IL1RAP: variants seen among roughly 807,000 people sequenced by gnomAD.
IL1RAP encodes interleukin 1 receptor accessory protein.
Under a neutral mutation model 60.7 loss-of-function variants are expected in IL1RAP, and 35 were observed. The observed-to-expected ratio is 0.58, with a 90% CI of 0.44 to 0.76. The LOEUF (loss-of-function observed/expected upper bound fraction) is 0.76, where lower values mean the gene tolerates loss of function less well. IL1RAP is among the 30% of genes least tolerant of loss of function. IL1RAP has a pLI of 0.00. For synonymous variants in IL1RAP, 268 were observed against 250.9 expected (o/e 1.07, Z -0.64); for missense variants, 572 against 693.9 (o/e 0.82, Z 1.97).
intron 1 of IL1RAP, among the ~76,000 whole-genome samples, chr3:190,532,873 CTCCTTTTTCAATT>C (rs1193483814): frequency 1.3e-5 from 2 of 152,194 alleles, no homozygotes; most frequent in Non-Finnish European, 1.5e-5. Context: ...GCTTCCTTTT[CTCCTTTTTCAATT>C]TCCTTTTTCG....
intron 5 of IL1RAP, among the ~76,000 whole-genome samples, chr3:190,616,398 C>T (rs1358897190): frequency 1.3e-5 from 2 of 151,914 alleles, no homozygotes; most frequent in Non-Finnish European, 2.9e-5. Flanking sequence ...CTGTAAAATT[C>T]CAGAGAATAA....
intron 1 of IL1RAP, among the ~76,000 whole-genome samples, chr3:190,553,887 C>A (rs1474688050): frequency 6.6e-6 from 1 of 151,512 alleles, no homozygotes. Flanking sequence ...CGGTGAAACC[C>A]CGCCTCTACT....
chr3:190,623,309 A>G (rs2108800507), intron 6 of IL1RAP, 35 bp from the exon 7 acceptor site: 2 of 1,518,324 alleles, frequency 1.3e-6, no homozygotes, highest in Non-Finnish European at 1.8e-6. Context: ...TGCCTGATTT[A>G]ACATCATCTC....
At chr3:190,596,734 T>G (rs1188462773) in intron 3 of IL1RAP, among the ~76,000 whole-genome samples, 1 of 152,232 alleles carries the variant, frequency 6.6e-6, no homozygotes, top group Admixed American at 6.5e-5. Context: ...GGAATTCTTG[T>G]GCTAGTAATT....
At chr3:190,534,664 A>T (rs1017344913) in intron 1 of IL1RAP, among the ~76,000 whole-genome samples, 1 of 152,176 alleles carries the variant, frequency 6.6e-6, no homozygotes, top group Admixed American at 6.5e-5. Context: ...TCCTGGATAC[A>T]AATGGTATGT....
intron 5 of IL1RAP, among the ~76,000 whole-genome samples, chr3:190,609,781 T>C (rs16865686): frequency 0.018 from 2,705 of 152,278 alleles, 73 homozygotes; most frequent in African/African-American, 0.062. Flanking sequence ...TAGTTATCCA[T>C]AGGAACCACC....
intron 3 of IL1RAP, among the ~76,000 whole-genome samples, chr3:190,599,948 C>G (rs1296965567): frequency 6.6e-6 from 1 of 151,868 alleles, no homozygotes; most frequent in Non-Finnish European, 1.5e-5. Flanking sequence ...GAAACAGGTT[C>G]CTTATCGCTC....
At chr3:190,572,089 T>C (rs1726977746) in intron 3 of IL1RAP, among the ~76,000 whole-genome samples, 1 of 152,174 alleles carries the variant, frequency 6.6e-6, no homozygotes, top group Admixed American at 6.5e-5. Flanking sequence ...CATAGACTTA[T>C]CTGATGACCA....
chr3:190,576,904 G>T (rs1352977507), intron 3 of IL1RAP, among the ~76,000 whole-genome samples: 5 of 151,926 alleles, frequency 3.3e-5, no homozygotes, highest in Admixed American at 3.3e-4. Flanking sequence ...ACGAGGTCAG[G>T]AGATCGAGAG....
chr3:190,645,730 T>C lies in IL1RAP; in HGVS notation c.1233T>C (p.Tyr411=), dbSNP rs994223135. Reference sequence around the variant, plus strand: ...AAGAGTATGATATTTATGTATCCTATGCAAGGAATGCGGAAGAAGAAGAAT... The same window carrying C: ...AAGAGTATGATATTTATGTATCCTACGCAAGGAATGCGGAAGAAGAAGAAT... ...DGKEYDIYVS[Y]ARNAEEEEFV... Residue 411 remains tyrosine (Y), a synonymous_variant, in exon 11 of 12, where the codon TAT becomes TAC. Transcript: ENST00000447382. 6.2e-6 allele frequency: 10 copies of C among 1,612,430 alleles called. 1 individual carries two copies. Among genetic ancestry groups the C allele is most frequent in the African/African-American group, 5.3e-5 (4 of 74,908 alleles).
In IL1RAP at chr3:190,650,511, T is replaced by C. The variant is rs1162734571; in HGVS notation, c.*1806T>C. On this transcript the variant is annotated 3_prime_UTR_variant, in exon 12 of 12. Coordinates refer to ENST00000447382, the MANE Select transcript of IL1RAP (RefSeq NM_002182.4). ...ACTGTAAATGAATCTTGGTATCCTG[T>C]GAAACAGAATAATTCGTAATTTAAG... The C allele has an allele frequency of 7.1e-6, 7 of 982,714 alleles. No individual in the cohort carries two copies. The highest frequency in any genetic ancestry group is 8.5e-6 in the Non-Finnish European group (7 of 827,530). The allele number at this position is 982,714 out of a possible 1,614,324, so 60.9% of individuals were successfully genotyped here.
At chr3:190,636,580 C>T (rs1248824477) in intron 9 of IL1RAP, among the ~76,000 whole-genome samples, 1 of 151,564 alleles carries the variant, frequency 6.6e-6, no homozygotes, top group African/African-American at 2.4e-5. Context: ...CTTGCTCTGT[C>T]GCCCAGGCTG....
At chr3:190,517,206 A>T (rs1183430030) in intron 1 of IL1RAP, among the ~76,000 whole-genome samples, 1 of 152,198 alleles carries the variant, frequency 6.6e-6, no homozygotes, top group Non-Finnish European at 1.5e-5. Flanking sequence ...TGTTGGATGT[A>T]ATACACCTTT....
intron 11 of IL1RAP, among the ~76,000 whole-genome samples, chr3:190,648,017 T>C (rs1032697403): frequency 1.3e-5 from 2 of 152,182 alleles, no homozygotes. Flanking sequence ...CTGCTTTCAG[T>C]ATAATGTGTC....
intron 3 of IL1RAP, 53 bp from the exon 4 acceptor site, chr3:190,604,075 C>A: frequency 6.4e-7 from 1 of 1,557,304 alleles, no homozygotes; most frequent in Non-Finnish European, 8.7e-7. Context: ...CTTTTGAGGC[C>A]TTTGTTGTAA....
At chr3:190,654,285 C>G (rs1325287761), downstream of IL1RAP, among the ~76,000 whole-genome samples, 1 of 150,942 alleles carries the variant, frequency 6.6e-6, no homozygotes, top group Admixed American at 6.6e-5. Context: ...AAGGTTATTT[C>G]ACATTTCTCA....
At chr3:190,621,932 A>G (rs577994922) in intron 6 of IL1RAP, among the ~76,000 whole-genome samples, 5 of 141,418 alleles carry the variant, frequency 3.5e-5, no homozygotes, top group Non-Finnish European at 7.5e-5. Context: ...TATTATTTTT[A>G]AAAAATTAGG....
chr3:190,614,610 G>A (rs956237856), intron 5 of IL1RAP, among the ~76,000 whole-genome samples: 4 of 152,150 alleles, frequency 2.6e-5, no homozygotes, highest in Admixed American at 6.5e-5. Context: ...AAGGTATAGC[G>A]TGGTTGAGAA....
intron 3 of IL1RAP, among the ~76,000 whole-genome samples, chr3:190,587,848 C>T (rs1728599376): frequency 6.6e-6 from 1 of 152,224 alleles, no homozygotes; most frequent in Non-Finnish European, 1.5e-5. Flanking sequence ...TGCCCAATAG[C>T]TCTGTGAGCT....
Sources: gnomAD v4.1 joint callset for allele counts (sites outside exome capture counted in the v4.1 genomes callset) on GRCh38, gnomAD v4.1.1 for gene constraint, MANE v1.5 for transcripts, NCBI Gene and HGNC (gene_info 2026-07-23, HGNC 2026-07-21) for gene names.